HYAL4: variants seen among roughly 807,000 people sequenced by gnomAD.
HYAL4 encodes the protein hyaluronidase-4.
A neutral mutation model predicts 35.2 loss-of-function variants in HYAL4; 37 were observed. The ratio of observed to expected loss-of-function variants is 1.05; its 90% CI spans 0.81 to 1.38. The LOEUF is 1.38. HYAL4 is among the 40% of genes most tolerant of loss of function. HYAL4 has a pLI of 0.00. For synonymous variants in HYAL4, 198 were observed against 203.2 expected (o/e 0.97, Z 0.22); for missense variants, 572 against 572.4 (o/e 1.00, Z 0.01).
the HYAL4 span, among the ~76,000 whole-genome samples, chr7:123,815,461 A>G: frequency 6.6e-6 from 1 of 152,198 alleles, no homozygotes; most frequent in Non-Finnish European, 1.5e-5. Flanking sequence ...TTGCATTTGT[A>G]TGTTTTAATT....
chr7:123,836,323 C>T (rs1336447917), intron 1 of HYAL4, among the ~76,000 whole-genome samples: 1 of 152,156 alleles, frequency 6.6e-6, no homozygotes, highest in Non-Finnish European at 1.5e-5. Flanking sequence ...CCTTTTATTA[C>T]TACATCATGT....
At chr7:123,852,003 T>C (rs1380324481) in intron 2 of HYAL4, among the ~76,000 whole-genome samples, 2 of 152,168 alleles carry the variant, frequency 1.3e-5, no homozygotes, top group Non-Finnish European at 2.9e-5. Context: ...GATGATGAGC[T>C]TTTTTTCATC....
chr7:123,869,857 T>A (rs1421139916), intron 3 of HYAL4, among the ~76,000 whole-genome samples: 1 of 129,684 alleles, frequency 7.7e-6, no homozygotes, highest in East Asian at 2.1e-4. Flanking sequence ...ACCCAGCTAA[T>A]TTTTGTACTT....
intron 1 of HYAL4, among the ~76,000 whole-genome samples, chr7:123,837,900 T>G (rs1354428006): frequency 7.2e-5 from 11 of 152,186 alleles, no homozygotes; most frequent in Non-Finnish European, 1.5e-5. Context: ...TGTCACATTT[T>G]CTTAATCCAG....
In HYAL4 at chr7:123,869,136, T is replaced by A; in HGVS notation, c.863T>A (p.Ile288Asn). The change falls in exon 3 of 5, where the codon ATC becomes AAC. Residue 288 changes from isoleucine to asparagine, a missense_variant. By Grantham distance (149) the Ile-to-Asn change is moderately radical. Transcript: ENST00000223026. The stretch of plus-strand genomic sequence containing the variant: ...TTTCGGGTGCATGAATCCATGAGGA[T>A]CTCCACCATGACATCTCATGATTAT... ...SKFRVHESMR[I>N]STMTSHDYAL... 6.2e-7 allele frequency: 1 copy of A among 1,614,162 alleles called. No homozygotes were observed. The highest frequency in any genetic ancestry group is 8.5e-7 in the Non-Finnish European group (1 of 1,180,002).
At chr7:123,804,353 T>A in the HYAL4 span, among the ~76,000 whole-genome samples, 5 of 152,184 alleles carry the variant, frequency 3.3e-5, no homozygotes, top group African/African-American at 9.6e-5. Context: ...GCCCTGATTG[T>A]CCTCTTCAGT....
rs142830639 is a variant in HYAL4, at chr7:123,847,305, T to C, written c.-121-784T>C. Among the ~76,000 whole-genome samples the C allele has an allele frequency of 1.1e-3, 172 of 152,292 alleles. 1 individual carries two copies. The highest frequency in any genetic ancestry group is 3.8e-3 in the African/African-American group (160 of 41,564). On this transcript the variant is annotated intron_variant, in intron 1 of 4. Transcript: ENST00000223026. The stretch of plus-strand genomic sequence containing the variant: ...TTTTCATTTTCAGCTTTATAGTGTA[T>C]TTTTTCTAATCCTAGGTGCTGAAAA...
At chr7:123,795,194 C>T in the HYAL4 span, among the ~76,000 whole-genome samples, 2 of 152,210 alleles carry the variant, frequency 1.3e-5, no homozygotes, top group Non-Finnish European at 2.9e-5. Context: ...TTACCCAATG[C>T]CTGTACCCCC....
chr7:123,774,338 G>A, the HYAL4 span, among the ~76,000 whole-genome samples: 1 of 152,092 alleles, frequency 6.6e-6, no homozygotes, highest in Admixed American at 6.5e-5. Context: ...CACCATGCCT[G>A]GTCACATGCT....
At chr7:123,830,534 AAAC>A (rs990904153) in intron 1 of HYAL4, among the ~76,000 whole-genome samples, 2 of 152,224 alleles carry the variant, frequency 1.3e-5, no homozygotes, top group African/African-American at 4.8e-5. Flanking sequence ...TATTGTTAGA[AAAC>A]AACAACAACA....
chr7:123,824,406 GA>G (rs1441087001), upstream of HYAL4, among the ~76,000 whole-genome samples: 54 of 152,250 alleles, frequency 3.5e-4, no homozygotes, highest in African/African-American at 1.2e-3. Flanking sequence ...AGATGGGGAT[GA>G]GGATGAGAAA....
At chr7:123,801,609 T>C in the HYAL4 span, among the ~76,000 whole-genome samples, 1 of 152,242 alleles carries the variant, frequency 6.6e-6, no homozygotes, top group East Asian at 1.9e-4. Context: ...AAAAATAAGG[T>C]AAGTAAATGT....
At chr7:123,812,365 A>G in the HYAL4 span, among the ~76,000 whole-genome samples, 1 of 152,234 alleles carries the variant, frequency 6.6e-6, no homozygotes, top group Non-Finnish European at 1.5e-5. Flanking sequence ...AAATCTCAGC[A>G]GCATGTAGAA....
chr7:123,806,174 C>T, the HYAL4 span, among the ~76,000 whole-genome samples: 1 of 152,078 alleles, frequency 6.6e-6, no homozygotes, highest in East Asian at 1.9e-4. Flanking sequence ...ATAGTACATA[C>T]AGAGATCAAT....
chr7:123,788,033 A>T, the HYAL4 span, among the ~76,000 whole-genome samples: 48 of 152,300 alleles, frequency 3.2e-4, no homozygotes, highest in Admixed American at 3.9e-4. Flanking sequence ...ATATTGGCTC[A>T]GTGGCCAGGA....
At chr7:123,818,794 G>A in the HYAL4 span, among the ~76,000 whole-genome samples, 1 of 151,424 alleles carries the variant, frequency 6.6e-6, no homozygotes, top group Non-Finnish European at 1.5e-5. Context: ...TTTTTTCTGT[G>A]TATTAAAATT....
intron 2 of HYAL4, among the ~76,000 whole-genome samples, chr7:123,862,781 G>C (rs541583680): frequency 1.3e-5 from 2 of 152,028 alleles, no homozygotes; most frequent in African/African-American, 2.4e-5. Context: ...TCCCTTAAAG[G>C]CTTGCCTCAA....
intron 1 of HYAL4, among the ~76,000 whole-genome samples, chr7:123,838,203 C>T (rs1323673258): frequency 1.3e-5 from 2 of 149,254 alleles, no homozygotes; most frequent in African/African-American, 5.0e-5. Flanking sequence ...ACTGTAGTCT[C>T]TGTTGTTTAC....
the HYAL4 span, chr7:123,815,103 C>T: frequency 6.6e-6 from 1 of 152,596 alleles, no homozygotes; most frequent in East Asian, 1.9e-4. Flanking sequence ...AAAGCCTATA[C>T]ATAAATGTTT....
Sources: allele counts gnomAD v4.1 joint callset (sites outside exome capture counted in the v4.1 genomes callset), GRCh38; gene constraint gnomAD v4.1.1; transcripts MANE v1.5; gene names NCBI Gene and HGNC (gene_info 2026-07-23, HGNC 2026-07-21).